Variants in RBFOX1 observed in about 807,000 individuals in gnomAD.
RBFOX1 encodes the protein RNA binding fox-1 homolog 1, also known as RNA binding protein fox-1 homolog 1.
Under a neutral mutation model 57.7 loss-of-function variants are expected in RBFOX1, and 8 were observed. The observed-to-expected ratio is 0.14, with a 90% CI of 0.08 to 0.25. RBFOX1 has a LOEUF of 0.25. RBFOX1 is among the 10% of genes least tolerant of loss of function. The pLI is 1.00. For synonymous variants in RBFOX1, 326 were observed against 222.4 expected (o/e 1.47, Z -4.15); for missense variants, 611 against 548.5 (o/e 1.11, Z -1.14).
At chr16:5,364,269 C>T (rs1317678853) in intron 1 of RBFOX1, among the ~76,000 whole-genome samples, 3 of 152,190 alleles carry the variant, frequency 2.0e-5, no homozygotes, top group African/African-American at 4.8e-5. Context: ...GATGTGAATG[C>T]ACCAACAGTC....
At chr16:5,336,935 T>G (rs1414713310) in intron 1 of RBFOX1, among the ~76,000 whole-genome samples, 1 of 152,240 alleles carries the variant, frequency 6.6e-6, no homozygotes, top group Non-Finnish European at 1.5e-5. Flanking sequence ...ATTCTCCTCC[T>G]GGCTGCATCT....
chr16:6,891,246 C>G (rs147855875), intron 3 of RBFOX1, among the ~76,000 whole-genome samples: 1 of 152,128 alleles, frequency 6.6e-6, no homozygotes, highest in Admixed American at 6.5e-5. Context: ...ATCATGAATC[C>G]TGCTAGCACT....
At chr16:6,888,538 A>G (rs573199254) in intron 3 of RBFOX1, among the ~76,000 whole-genome samples, 2 of 152,078 alleles carry the variant, frequency 1.3e-5, no homozygotes, top group African/African-American at 2.4e-5. Flanking sequence ...TTATCTCCAC[A>G]TTGTTTTTAC....
rs149808736 is a variant in RBFOX1 at position 6,114,931 on chromosome 16, A to G, written c.-127+94939A>G. 1.1e-3 allele frequency among the ~76,000 whole-genome samples: 160 copies of G among 152,256 alleles called. 1 individual carries two copies. The highest frequency in any genetic ancestry group is 3.5e-3 in the African/African-American group (147 of 41,566). ...ACGGGCTATTCACAACTATATTTAC[A>G]CTGACTTAGACCATTTTCAGTTACA... On this transcript the variant is annotated intron_variant, in intron 1 of 15. Coordinates refer to ENST00000550418, the MANE Select transcript of RBFOX1 (RefSeq NM_018723.4).
chr16:6,799,785 A>T (rs2084936341), intron 3 of RBFOX1, among the ~76,000 whole-genome samples: 1 of 152,024 alleles, frequency 6.6e-6, no homozygotes, highest in South Asian at 2.1e-4. Context: ...CGCTGGACTT[A>T]ACACCAGTGG....
At chr16:6,809,861 G>C (rs142065596) in intron 3 of RBFOX1, among the ~76,000 whole-genome samples, 1 of 152,006 alleles carries the variant, frequency 6.6e-6, no homozygotes, top group South Asian at 2.1e-4. Flanking sequence ...TCACCAGTCC[G>C]GTGCCTTTCT....
At chr16:6,269,150 T>C (rs10468328) in intron 1 of RBFOX1, among the ~76,000 whole-genome samples, 4,290 of 152,348 alleles carry the variant, frequency 0.028, 168 homozygotes, top group African/African-American at 0.089. Context: ...GACAGATTTC[T>C]CTTCTCTGCT....
intron 2 of RBFOX1, among the ~76,000 whole-genome samples, chr16:6,437,109 G>T (rs372646751): frequency 6.6e-6 from 1 of 152,192 alleles, no homozygotes. Flanking sequence ...ATAGGCGATC[G>T]TTTCCTCCCA....
intron 2 of RBFOX1, among the ~76,000 whole-genome samples, chr16:5,581,911 C>A (rs949601605): frequency 6.6e-6 from 1 of 152,108 alleles, no homozygotes; most frequent in African/African-American, 2.4e-5. Flanking sequence ...GAAGCAAGGA[C>A]GCTGTAATGT....
chr16:5,792,006 C>T (rs141210905), intron 3 of RBFOX1, among the ~76,000 whole-genome samples: 1 of 152,080 alleles, frequency 6.6e-6, no homozygotes, highest in Non-Finnish European at 1.5e-5. Flanking sequence ...TTTGGCAGGG[C>T]GCTGGCTCTC....
At chr16:5,529,972 C>T (rs916950980) in intron 2 of RBFOX1, among the ~76,000 whole-genome samples, 38 of 152,198 alleles carry the variant, frequency 2.5e-4, no homozygotes, top group Middle Eastern at 3.4e-3. Context: ...CCACAGAACC[C>T]AAGGCAAGAG....
intron 3 of RBFOX1, among the ~76,000 whole-genome samples, chr16:5,772,567 T>A (rs917820643): frequency 2.6e-5 from 4 of 152,210 alleles, no homozygotes; most frequent in African/African-American, 9.7e-5. Flanking sequence ...ATAGTATAAA[T>A]GTTAGCATAT....
intron 3 of RBFOX1, among the ~76,000 whole-genome samples, chr16:6,948,375 CTTTT>C (rs968186299): frequency 1.5e-4 from 10 of 67,964 alleles, no homozygotes; most frequent in Non-Finnish European, 2.3e-4. Context: ...TTCTCCCTTT[CTTTT>C]TTTTTTTTTT....
intron 3 of RBFOX1, among the ~76,000 whole-genome samples, chr16:6,857,749 C>T (rs976203819): frequency 5.9e-5 from 9 of 152,134 alleles, no homozygotes; most frequent in East Asian, 5.8e-4. Context: ...GCAGGGAGAG[C>T]AGTGGAATGC....
At chr16:5,438,485 C>T (rs917748310) in intron 1 of RBFOX1, among the ~76,000 whole-genome samples, 1 of 152,110 alleles carries the variant, frequency 6.6e-6, no homozygotes, top group Non-Finnish European at 1.5e-5. Flanking sequence ...CTGAAAGGGC[C>T]CAGCATTCCA....
rs779472311 is a variant in RBFOX1 at position 7,420,969 on chromosome 16, ATATATG to A, written c.28-97175_28-97170del. Reference sequence around the variant, plus strand: ...CACACACACACACACACATATATATATATATGTAGTCCTGCGCTTTCCTGAGGCTGT... The same window carrying A: ...CACACACACACACACACATATATATATAGTCCTGCGCTTTCCTGAGGCTGT... On this transcript the variant is annotated intron_variant, in intron 4 of 15. Transcript: ENST00000550418. Among the ~76,000 whole-genome samples the A allele has an allele frequency of 7.3e-3, 1,104 of 150,392 alleles. 15 individuals are homozygous for A. Among genetic ancestry groups the A allele is most frequent in the Non-Finnish European group, 8.9e-3 (602 of 67,768 alleles).
intron 3 of RBFOX1, among the ~76,000 whole-genome samples, chr16:6,784,907 C>G (rs1002236261): frequency 6.6e-6 from 1 of 152,034 alleles, no homozygotes; most frequent in Admixed American, 6.6e-5. Flanking sequence ...TGTCACCAAG[C>G]ACTCTTCTAA....
intron 4 of RBFOX1, among the ~76,000 whole-genome samples, chr16:7,186,915 T>G (rs2083975630): frequency 6.8e-6 from 1 of 147,106 alleles, no homozygotes; most frequent in African/African-American, 2.5e-5. Context: ...TTCAGCACTT[T>G]GGGAAACTGA....
intron 1 of RBFOX1, among the ~76,000 whole-genome samples, chr16:6,083,244 C>G (rs2096034281): frequency 6.6e-6 from 1 of 152,140 alleles, no homozygotes; most frequent in African/African-American, 2.4e-5. Flanking sequence ...CTGAAGTGAT[C>G]TGCCCGCCTC....
Sources: allele counts gnomAD v4.1 joint callset (sites outside exome capture counted in the v4.1 genomes callset), GRCh38; gene constraint gnomAD v4.1.1; transcripts MANE v1.5; gene names NCBI Gene and HGNC (gene_info 2026-07-23, HGNC 2026-07-21).